PDE6D: variants seen among roughly 807,000 people sequenced by gnomAD.
PDE6D encodes the protein phosphodiesterase 6D.
PDE6D carries 10 observed loss-of-function variants against 21.9 expected under a neutral mutation model. The ratio of observed to expected loss-of-function variants is 0.46; its 90% CI spans 0.28 to 0.78. PDE6D has a LOEUF of 0.78. Among genes scored for constraint, PDE6D ranks in the 30% least tolerant of loss-of-function variants. The pLI, the probability that PDE6D is intolerant of heterozygous loss-of-function variation, is 0.12. For synonymous variants in PDE6D, 59 were observed against 63.5 expected (o/e 0.93, Z 0.34); for missense variants, 139 against 184.8 (o/e 0.75, Z 1.44).
Position 231,736,485 on chromosome 2 carries a change from T to G in PDE6D, c.371+702A>C, listed in dbSNP as rs115590111. ...TGTGCCATTACGCCCAGCTAACTCT[T>G]TAGAAGGTACTATTACTATAACATT... On this transcript the variant is annotated intron_variant, in intron 4 of 4. Coordinates refer to ENST00000287600, the MANE Select transcript of PDE6D (RefSeq NM_002601.4). 2.6e-3 allele frequency among the ~76,000 whole-genome samples: 389 copies of G among 152,290 alleles called. 2 individuals are homozygous for G. The highest frequency in any genetic ancestry group is 9.0e-3 in the African/African-American group (374 of 41,578).
intron 1 of PDE6D, among the ~76,000 whole-genome samples, chr2:231,748,094 G>A (rs745747693): frequency 1.6e-4 from 24 of 152,094 alleles, no homozygotes; most frequent in Non-Finnish European, 3.2e-4. Context: ...GATTGGGGGC[G>A]TTGCTGAAAA....
At chr2:231,738,713 C>T (rs1423407432) in intron 2 of PDE6D, among the ~76,000 whole-genome samples, 3 of 151,752 alleles carry the variant, frequency 2.0e-5, no homozygotes, top group Non-Finnish European at 2.9e-5. Context: ...GTCCGGAGTT[C>T]GAGACCAGGA....
In PDE6D at chr2:231,738,054, C is replaced by A. The variant is rs367809264; in HGVS notation, c.224G>T (p.Arg75Leu). Residue 75 changes from arginine (R) to leucine (L), a missense_variant, in exon 3 of 5, where the codon CGC becomes CTC. Transcript: ENST00000287600. ...TTTGAAGTAAACTTTTTGTTCCAGG[C>A]GGAATTTTTCCATTTGTTCTGTCGA... ...FSSTEQMEKF[R>L]LEQKVYFKGQ... 1.2e-6 allele frequency: 2 copies of A among 1,613,742 alleles called. No homozygotes were observed. Among genetic ancestry groups the A allele is most frequent in the Non-Finnish European group, 8.5e-7 (1 of 1,179,864 alleles).
At position 231,739,823 on chromosome 2, in the gene PDE6D, G is replaced by A. The variant is rs1016547609; in HGVS notation, c.51-635C>T. On this transcript the variant is annotated intron_variant, in intron 1 of 4. Coordinates refer to ENST00000287600, the MANE Select transcript of PDE6D (RefSeq NM_002601.4). This position sits in a 1 kb window ranked among gnomAD's most constrained non-coding sequence, Gnocchi z 4.2. ...ATTTTTGTATTTTTAATAGAGATGGGGTTTCACCATGTTGGCCAGGCTGGT... is the reference window on the plus strand; with the variant it reads ...ATTTTTGTATTTTTAATAGAGATGGAGTTTCACCATGTTGGCCAGGCTGGT... 5.3e-5 allele frequency among the ~76,000 whole-genome samples: 8 copies of A among 151,952 alleles called. No homozygotes were observed. Among genetic ancestry groups the A allele is most frequent in the African/African-American group, 1.9e-4 (8 of 41,372 alleles).
intron 1 of PDE6D, among the ~76,000 whole-genome samples, chr2:231,747,772 G>A (rs1385726025): frequency 6.6e-6 from 1 of 152,154 alleles, no homozygotes; most frequent in Non-Finnish European, 1.5e-5. Flanking sequence ...CTTCTCACCT[G>A]CACCAAGCAG....
intron 1 of PDE6D, among the ~76,000 whole-genome samples, chr2:231,772,217 C>T (rs2049021089): frequency 1.3e-5 from 2 of 151,862 alleles, no homozygotes; most frequent in African/African-American, 4.8e-5. Flanking sequence ...CCCTTCAGTT[C>T]CCCCATTATT....
At chr2:231,769,137 G>A (rs1025080962) in intron 1 of PDE6D, among the ~76,000 whole-genome samples, 3 of 152,116 alleles carry the variant, frequency 2.0e-5, no homozygotes, top group African/African-American at 7.2e-5. Context: ...CCAAAATGTT[G>A]GGATTACAGG....
chr2:231,759,134 A>AT (rs773052565), intron 1 of PDE6D, among the ~76,000 whole-genome samples: 18 of 151,998 alleles, frequency 1.2e-4, no homozygotes, highest in Non-Finnish European at 2.1e-4. Context: ...CCTGGGTAAC[A>AT]TAGGGAGACA....
intron 1 of PDE6D, among the ~76,000 whole-genome samples, chr2:231,773,836 C>T (rs758703039): frequency 4.6e-5 from 7 of 152,022 alleles, no homozygotes; most frequent in African/African-American, 7.3e-5. Flanking sequence ...AATGGAAATA[C>T]GATAGTTTTT....
intron 1 of PDE6D, among the ~76,000 whole-genome samples, chr2:231,747,709 C>G (rs534032104): frequency 7.9e-5 from 12 of 152,302 alleles, no homozygotes; most frequent in African/African-American, 2.9e-4. Context: ...CCCTCAATCA[C>G]TATGCCCTAG....
intron 1 of PDE6D, among the ~76,000 whole-genome samples, chr2:231,755,555 T>G (rs2048876611): frequency 6.6e-6 from 1 of 151,940 alleles, no homozygotes; most frequent in East Asian, 1.9e-4. Context: ...GGTGAAACCC[T>G]GTCTCTATGA....
intron 1 of PDE6D, among the ~76,000 whole-genome samples, chr2:231,773,762 T>C (rs552271238): frequency 2.6e-5 from 4 of 152,300 alleles, no homozygotes; most frequent in African/African-American, 9.6e-5. Context: ...ATGAGATTCA[T>C]TTTCTAGACA....
chr2:231,742,746 T>C (rs838448), intron 1 of PDE6D, among the ~76,000 whole-genome samples: 50,748 of 152,082 alleles, frequency 0.33, 8,919 homozygotes, highest in African/African-American at 0.44. Flanking sequence ...AGGCAGTGAC[T>C]GCTTTGCACT....
chr2:231,774,548 A>G (rs1472913072), intron 1 of PDE6D, among the ~76,000 whole-genome samples: 2 of 151,990 alleles, frequency 1.3e-5, no homozygotes, highest in Non-Finnish European at 2.9e-5. Context: ...CATAAACCAA[A>G]TGAGAGTGCC....
intron 1 of PDE6D, among the ~76,000 whole-genome samples, chr2:231,775,058 G>A (rs546099383): frequency 1.3e-5 from 2 of 151,838 alleles, no homozygotes; most frequent in African/African-American, 2.4e-5. Flanking sequence ...GATTACAGGC[G>A]TGTGCCACCA....
rs1484287638 is a variant in PDE6D at position 231,766,498 on chromosome 2, TGAG to T, written c.50+14564_50+14566del. On this transcript the variant is annotated intron_variant, in intron 1 of 4. Transcript: ENST00000287600. ...TATTTGCTTCCCAGCACCTCCTGAC[TGAG>T]GAAGAAATAATACAAGGCCTTTTCC... Among the ~76,000 whole-genome samples the T allele has an allele frequency of 3.3e-5, 5 of 152,226 alleles. No individual in the cohort carries two copies. The East Asian group carries it at 9.6e-4, about 29-fold the overall frequency.
At position 231,781,073 on chromosome 2, in the gene PDE6D, GC is replaced by G; in HGVS notation, c.41del (p.Gly14AlafsTer4). 6.2e-7 allele frequency: 1 copy of G among 1,613,222 alleles called. No individual in the cohort carries two copies. Among genetic ancestry groups the G allele is most frequent in the Non-Finnish European group, 8.5e-7 (1 of 1,179,528 alleles). On this transcript the variant is annotated frameshift_variant, in exon 1 of 5. Coordinates refer to ENST00000287600, the MANE Select transcript of PDE6D (RefSeq NM_002601.4). LOFTEE classifies it high-confidence loss of function. ...KDERAREILR[G>X]FKLNWMNLRD... ...CGCTCCCGGACGGATACAGTTTGAAGCCCCTCAGGATCTCCCTGGCCCGCTC... is the reference window on the plus strand; with the variant it reads ...CGCTCCCGGACGGATACAGTTTGAAGCCCTCAGGATCTCCCTGGCCCGCTC...
At chr2:231,763,390 C>T (rs2048946979) in intron 1 of PDE6D, among the ~76,000 whole-genome samples, 1 of 152,104 alleles carries the variant, frequency 6.6e-6, no homozygotes, top group African/African-American at 2.4e-5. Context: ...CCAATCGTCT[C>T]ATTCATGTAT....
rs2048733537 is a variant in PDE6D, at chr2:231,739,875, G to A, written c.51-687C>T. Among the ~76,000 whole-genome samples the A allele has an allele frequency of 6.6e-6, 1 of 152,064 alleles. No homozygotes were observed. Among genetic ancestry groups the A allele is most frequent in the Non-Finnish European group, 1.5e-5 (1 of 68,018 alleles). On this transcript the variant is annotated intron_variant, in intron 1 of 4. Coordinates refer to ENST00000287600, the MANE Select transcript of PDE6D (RefSeq NM_002601.4). This position sits in a 1 kb window ranked among gnomAD's most constrained non-coding sequence, Gnocchi z 4.2. ...TCGAACTCCTGACCTCAAGTGATCT[G>A]TCTGCCTCAGCCTCTGAGTGCCCTG...
Sources: gnomAD v4.1 joint callset for allele counts (sites outside exome capture counted in the v4.1 genomes callset) on GRCh38, gnomAD v4.1.1 for gene constraint, Gnocchi (gnomAD v3.1) non-coding constraint, MANE v1.5 for transcripts, NCBI Gene and HGNC (gene_info 2026-07-23, HGNC 2026-07-21) for gene names.